The following CDH12 variants were observed in gnomAD, a reference collection of about 807,000 sequenced individuals.
The protein encoded by CDH12 is cadherin-12.
In CDH12, 41 loss-of-function variants were observed where a neutral mutation model predicts 74.1. The ratio of observed to expected loss-of-function variants is 0.55; its 90% CI spans 0.43 to 0.72. The LOEUF (loss-of-function observed/expected upper bound fraction) is 0.72. Among genes scored for constraint, CDH12 ranks in the 30% least tolerant of loss-of-function variants. The pLI, the probability that CDH12 is intolerant of heterozygous loss-of-function variation, is 0.00. For synonymous variants in CDH12, 399 were observed against 355.0 expected, an observed-to-expected ratio of 1.12 and a Z score of -1.39; for missense variants, 945 against 977.2, an observed-to-expected ratio of 0.97 and a Z score of 0.44.
intron 1 of CDH12, among the ~76,000 whole-genome samples, chr5:22,667,667 G>T (rs1740692962): frequency 6.6e-6 from 1 of 152,162 alleles, no homozygotes; most frequent in South Asian, 2.1e-4. Context: ...CTGGATGAGT[G>T]CTAGGATGTC....
chr5:22,616,570 A>T (rs910811037), intron 1 of CDH12, among the ~76,000 whole-genome samples: 1 of 152,136 alleles, frequency 6.6e-6, no homozygotes, highest in East Asian at 1.9e-4. Flanking sequence ...TTTAAAAATT[A>T]AATACATACA....
chr5:21,868,320 C>T (rs1011804175), intron 6 of CDH12, among the ~76,000 whole-genome samples: 2 of 152,156 alleles, frequency 1.3e-5, no homozygotes, highest in African/African-American at 4.8e-5. Flanking sequence ...CAGACCGATA[C>T]ACCATGTCAG....
At chr5:22,385,884 CTTTTTTTT>C (rs969476085) in intron 3 of CDH12, among the ~76,000 whole-genome samples, 2 of 95,416 alleles carry the variant, frequency 2.1e-5, no homozygotes, top group East Asian at 3.1e-4. Context: ...TGGCTACGCG[CTTTTTTTT>C]TTTTTTTTTT....
At chr5:22,754,471 T>C (rs1745775389) in intron 1 of CDH12, among the ~76,000 whole-genome samples, 1 of 149,748 alleles carries the variant, frequency 6.7e-6, no homozygotes, top group Admixed American at 6.7e-5. Flanking sequence ...GCATCTGCTG[T>C]GGAAAGAAGA....
intron 2 of CDH12, among the ~76,000 whole-genome samples, chr5:22,429,503 A>T (rs1485099896): frequency 6.6e-6 from 1 of 152,118 alleles, no homozygotes; most frequent in East Asian, 1.9e-4. Context: ...TTTTAAAAAT[A>T]ATATTTTAGC....
intron 3 of CDH12, among the ~76,000 whole-genome samples, chr5:22,240,112 A>G (rs1027189831): frequency 6.6e-5 from 10 of 152,172 alleles, no homozygotes; most frequent in Admixed American, 3.9e-4. Flanking sequence ...AAATTCAGAC[A>G]TCATTTTGAA....
chr5:21,822,904 T>C (rs1480778859), intron 8 of CDH12, among the ~76,000 whole-genome samples: 1 of 152,130 alleles, frequency 6.6e-6, no homozygotes, highest in East Asian at 1.9e-4. Context: ...TTTATTCCTG[T>C]AAACTTTTTT....
In CDH12 at chr5:22,381,126, T is replaced by C. The variant is rs1378352159; in HGVS notation, c.-333+24131A>G. ...TAAAAATTCTTGTAGTTGATCACAA[T>C]TGCAATCTATTCTATCTTTCTCTTG... is the stretch of plus-strand genomic sequence containing the variant. On this transcript the variant is annotated intron_variant, in intron 3 of 14. Coordinates refer to ENST00000382254, the MANE Select transcript of CDH12 (RefSeq NM_004061.5). 3.3e-5 allele frequency among the ~76,000 whole-genome samples: 5 copies of C among 152,066 alleles called. No individual in the cohort carries two copies. In the East Asian group the frequency reaches 7.7e-4, roughly 23 times the overall value.
chr5:22,648,057 CT>C (rs1739533171), intron 1 of CDH12, among the ~76,000 whole-genome samples: 1 of 151,800 alleles, frequency 6.6e-6, no homozygotes, highest in Non-Finnish European at 1.5e-5. Context: ...CAGTAATTCA[CT>C]TTGTTATGAT....
intron 1 of CDH12, among the ~76,000 whole-genome samples, chr5:22,524,349 C>T (rs1361698032): frequency 2.6e-5 from 4 of 152,098 alleles, no homozygotes; most frequent in Non-Finnish European, 5.9e-5. Context: ...CACATTCTAG[C>T]TCCCTTTTGA....
At chr5:22,324,700 T>A (rs1739013039) in intron 3 of CDH12, among the ~76,000 whole-genome samples, 1 of 152,062 alleles carries the variant, frequency 6.6e-6, no homozygotes, top group Non-Finnish European at 1.5e-5. Flanking sequence ...TTCAGTTTAA[T>A]GTGGCTTCAA....
rs967834367 is a variant in CDH12, at chr5:22,008,073, TTTCCTCGCTGCTG to T, written c.232-32701_232-32689del. 1.1e-3 allele frequency among the ~76,000 whole-genome samples: 171 copies of T among 152,270 alleles called. 1 individual carries two copies. The highest frequency in any genetic ancestry group is 3.9e-3 in the African/African-American group (160 of 41,554). On this transcript the variant is annotated intron_variant, in intron 5 of 14. Transcript: ENST00000382254. ...CCCATGAAGGTGGTAGACGTCCTGC[TTTCCTCGCTGCTG>T]TTATTTTTGTATTATCTTGGTGCTT... is the stretch of plus-strand genomic sequence containing the variant.
intron 4 of CDH12, among the ~76,000 whole-genome samples, chr5:22,126,234 G>A (rs1300250650): frequency 3.3e-5 from 5 of 152,146 alleles, no homozygotes; most frequent in Admixed American, 2.6e-4. Flanking sequence ...TTAGGGAAAT[G>A]TGTTCAGTCT....
rs1165179544 is a variant in CDH12, at chr5:21,825,133, A to G, written c.815-8001T>C. On this transcript the variant is annotated intron_variant, in intron 8 of 14. Transcript: ENST00000382254. ...ATGCCACTGCACACCAGCCTGGGGG[A>G]CAGAGTGAGACTCTATCTCAAAAAA... Among the ~76,000 whole-genome samples the G allele has an allele frequency of 3.1e-4, 47 of 150,066 alleles. 1 individual carries two copies. Among genetic ancestry groups the G allele is most frequent in the Admixed American group, 3.1e-3 (47 of 15,042 alleles).
chr5:22,850,599 G>A (rs994442530), intron 1 of CDH12, among the ~76,000 whole-genome samples: 7 of 152,014 alleles, frequency 4.6e-5, no homozygotes, highest in Non-Finnish European at 7.4e-5. Flanking sequence ...TAAGCAAAAT[G>A]TTCTCTATTG....
intron 2 of CDH12, among the ~76,000 whole-genome samples, chr5:22,481,820 A>G (rs991487891): frequency 3.3e-5 from 5 of 152,180 alleles, no homozygotes; most frequent in African/African-American, 7.2e-5. Flanking sequence ...TGCAGTTAAA[A>G]CACTGTTTTG....
intron 5 of CDH12, among the ~76,000 whole-genome samples, chr5:22,028,966 C>T (rs1318688707): frequency 6.6e-6 from 1 of 152,134 alleles, no homozygotes; most frequent in African/African-American, 2.4e-5. Flanking sequence ...CACATATCTA[C>T]AGCGATCTGA....
At chr5:21,769,288 G>A (rs1162952996) in intron 11 of CDH12, among the ~76,000 whole-genome samples, 1 of 151,898 alleles carries the variant, frequency 6.6e-6, no homozygotes, top group African/African-American at 2.4e-5. Flanking sequence ...TTTTTAAATG[G>A]TATCCAGATG....
chr5:22,230,368 T>C lies in CDH12; in HGVS notation c.-332-17725A>G, dbSNP rs183877402. The stretch of plus-strand genomic sequence containing the variant: ...TAGTGTTACATAAGAACTGGGTAGA[T>C]TGCCCTGTTCATATTCTCACCACTG... On this transcript the variant is annotated intron_variant, in intron 3 of 14. Transcript: ENST00000382254. Among the ~76,000 whole-genome samples the C allele has an allele frequency of 8.6e-4, 131 of 152,280 alleles. 1 individual carries two copies. The highest frequency in any genetic ancestry group is 3.4e-3 in the Middle Eastern group (1 of 294).
Sources: allele counts gnomAD v4.1 joint callset (sites outside exome capture counted in the v4.1 genomes callset), GRCh38; gene constraint gnomAD v4.1.1; transcripts MANE v1.5; gene names NCBI Gene and HGNC (gene_info 2026-07-23, HGNC 2026-07-21).